The following TRPM3 variants were observed in gnomAD, a reference collection of about 807,000 sequenced individuals.
The protein encoded by TRPM3 is long transient receptor potential channel 3.
A neutral mutation model predicts 181.2 loss-of-function variants in TRPM3; 77 were observed. The ratio of observed to expected loss-of-function variants is 0.42; its 90% CI spans 0.35 to 0.51. The LOEUF is 0.51. Ranked by LOEUF, TRPM3 falls within the 20% of genes least tolerant of loss-of-function variation. The pLI, the probability that TRPM3 is intolerant of heterozygous loss-of-function variation, is 0.01. For missense variants in TRPM3, 1,759 were observed against 2,196.7 expected (o/e 0.80, Z 3.98); for synonymous variants, 745 against 796.4 (o/e 0.94, Z 1.09).
intron 1 of TRPM3, among the ~76,000 whole-genome samples, chr9:71,350,816 T>TA (rs1368646113): frequency 2.6e-5 from 4 of 152,192 alleles, no homozygotes; most frequent in Non-Finnish European, 5.9e-5. Context: ...TCTTTAGTCA[T>TA]ACAGCAGAAA....
chr9:70,535,195 T>C lies in TRPM3; in HGVS notation c.*758A>G. Reference sequence around the variant, plus strand: ...ACGCCCACTGTATATAATAAATCACTTGACTTTTGTTTTTTTAACATCAAC... The same window carrying C: ...ACGCCCACTGTATATAATAAATCACCTGACTTTTGTTTTTTTAACATCAAC... On this transcript the variant is annotated 3_prime_UTR_variant, in exon 26 of 26. Transcript: ENST00000677713. The C allele has an allele frequency of 1.8e-6, 1 of 553,596 alleles. No homozygotes were observed. The highest frequency in any genetic ancestry group is 3.1e-6 in the Non-Finnish European group (1 of 317,984). 34.3% of individuals were successfully genotyped at this position (553,596 alleles called of 1,614,324 possible).
chr9:71,237,458 G>C (rs1018316192), intron 1 of TRPM3, among the ~76,000 whole-genome samples: 1 of 151,962 alleles, frequency 6.6e-6, no homozygotes, highest in African/African-American at 2.4e-5. Context: ...TGGCTGAGGG[G>C]AAAAAAGGGT....
At chr9:70,927,633 C>T (rs1564781490) in intron 1 of TRPM3, among the ~76,000 whole-genome samples, 1 of 152,114 alleles carries the variant, frequency 6.6e-6, no homozygotes. Context: ...TGTTTTTCTC[C>T]TGTATTTTCT....
At chr9:71,319,156 C>G (rs1286258283) in intron 1 of TRPM3, among the ~76,000 whole-genome samples, 1 of 152,064 alleles carries the variant, frequency 6.6e-6, no homozygotes, top group East Asian at 1.9e-4. Context: ...ATGGTTATGT[C>G]CATAGTCACA....
At chr9:71,169,120 T>G (rs1001772883) in intron 1 of TRPM3, among the ~76,000 whole-genome samples, 7 of 152,222 alleles carry the variant, frequency 4.6e-5, no homozygotes, top group Non-Finnish European at 1.0e-4. Flanking sequence ...AAGTCATCAT[T>G]GCTAAGTTCC....
chr9:71,232,586 C>T (rs1322931910), intron 1 of TRPM3, among the ~76,000 whole-genome samples: 11 of 147,290 alleles, frequency 7.5e-5, no homozygotes, highest in African/African-American at 2.3e-4. Context: ...CTGCAACCTC[C>T]GCCTCCCAGG....
In TRPM3 at chr9:70,536,221, G is replaced by A. The variant is rs2041704780; in HGVS notation, c.4892C>T (p.Ser1631Leu). The change falls in exon 26 of 26, where the codon TCA becomes TTA. Residue 1631 changes from serine (S) to leucine (L), a missense_variant. By Grantham distance (145) the Ser-to-Leu change is moderately radical (BLOSUM62 -2). Around this residue, in one of 8 missense-constraint regions of TRPM3, gnomAD observed 612 missense variants for 590.0 expected, o/e 1.04. Coordinates refer to ENST00000677713, the MANE Select transcript of TRPM3 (RefSeq NM_001366145.2). The stretch of plus-strand genomic sequence containing the variant: ...GATGTTGTTGGACAGGGTTCTCTCT[G>A]AGTTATCACCCTCCTGGGAGGATAT... Reference protein sequence around the residue: ...IAISSQEGDNSERTLSNNITV... With the variant: ...IAISSQEGDNLERTLSNNITV... 2 of 1,614,202 alleles carry A rather than the reference G, an allele frequency of 1.2e-6. No individual in the cohort carries two copies. The highest frequency in any genetic ancestry group is 1.7e-6 in the Non-Finnish European group (2 of 1,180,030).
chr9:70,824,194 T>C (rs963425917), intron 6 of TRPM3, among the ~76,000 whole-genome samples: 29 of 152,136 alleles, frequency 1.9e-4, no homozygotes, highest in African/African-American at 6.7e-4. Flanking sequence ...CCCTAAGTGA[T>C]GAGGGGGAAT....
intron 1 of TRPM3, among the ~76,000 whole-genome samples, chr9:70,876,989 A>C (rs2095878233): frequency 6.6e-6 from 1 of 152,058 alleles, no homozygotes; most frequent in Non-Finnish European, 1.5e-5. Flanking sequence ...ATTAACTAAA[A>C]TTTGTACCTT....
At chr9:70,889,061 C>T (rs1028420206) in intron 1 of TRPM3, among the ~76,000 whole-genome samples, 2 of 152,078 alleles carry the variant, frequency 1.3e-5, no homozygotes, top group Non-Finnish European at 2.9e-5. Flanking sequence ...ATGTTCAAAG[C>T]TCGGGAACTG....
intron 8 of TRPM3, among the ~76,000 whole-genome samples, chr9:70,683,428 C>CGTTTTTTTTT (rs2065960510): frequency 1.7e-5 from 1 of 57,458 alleles, no homozygotes; most frequent in Non-Finnish European, 3.2e-5. Context: ...TCTCTCTCTC[C>CGTTTTTTTTT]TTTTTTTTTT....
chr9:71,419,664 T>C (rs1196039101), intron 1 of TRPM3, among the ~76,000 whole-genome samples: 1 of 151,994 alleles, frequency 6.6e-6, no homozygotes, highest in Non-Finnish European at 1.5e-5. Flanking sequence ...TCTGATACAA[T>C]AATGTGAATG....
intron 1 of TRPM3, among the ~76,000 whole-genome samples, chr9:70,882,423 G>T (rs539865246): frequency 4.6e-5 from 7 of 152,184 alleles, no homozygotes; most frequent in South Asian, 2.1e-4. Context: ...AGTCAATTTT[G>T]GTTGTCTTTT....
intron 1 of TRPM3, among the ~76,000 whole-genome samples, chr9:71,356,534 G>A (rs1334127523): frequency 6.6e-6 from 1 of 152,056 alleles, no homozygotes; most frequent in African/African-American, 2.4e-5. Context: ...TCTTTATGAG[G>A]CACATTACTT....
At chr9:71,312,109 A>G (rs968083835) in intron 1 of TRPM3, among the ~76,000 whole-genome samples, 10 of 152,164 alleles carry the variant, frequency 6.6e-5, no homozygotes, top group African/African-American at 1.7e-4. Context: ...TGTGAAAGAC[A>G]TAGTCAAGAG....
chr9:70,802,973 G>T (rs536985636), intron 6 of TRPM3, among the ~76,000 whole-genome samples: 21 of 146,378 alleles, frequency 1.4e-4, no homozygotes, highest in Non-Finnish European at 2.7e-4. Flanking sequence ...CTATTCTCAG[G>T]AGAGGTTTGT....
intron 1 of TRPM3, among the ~76,000 whole-genome samples, chr9:70,977,826 T>G (rs1680984157): frequency 6.6e-6 from 1 of 152,166 alleles, no homozygotes; most frequent in Non-Finnish European, 1.5e-5. Flanking sequence ...TAGGGCAAGG[T>G]ACGTGGGAAG....
At chr9:70,791,642 T>G (rs1034879222) in intron 6 of TRPM3, among the ~76,000 whole-genome samples, 8 of 152,184 alleles carry the variant, frequency 5.3e-5, no homozygotes, top group Non-Finnish European at 7.3e-5. Flanking sequence ...GCATGTGAAA[T>G]TTTAGCAAAT....
chr9:71,366,723 A>C (rs929373716), intron 1 of TRPM3, among the ~76,000 whole-genome samples: 1 of 152,168 alleles, frequency 6.6e-6, no homozygotes. Context: ...TTTTTATTAC[A>C]TGACAGCTAT....
Sources: gnomAD v4.1 joint callset for allele counts (sites outside exome capture counted in the v4.1 genomes callset) on GRCh38, gnomAD v4.1.1 for gene constraint, gnomAD v4.1.1 regional missense constraint, MANE v1.5 for transcripts, NCBI Gene and HGNC (gene_info 2026-07-23, HGNC 2026-07-21) for gene names.